Variants in TTLL11 observed in about 807,000 individuals in gnomAD.
The protein encoded by TTLL11 is tubulin tyrosine ligase like 11, also known as tubulin polyglutamylase TTLL11.
In TTLL11, 42 loss-of-function variants were observed where a neutral mutation model predicts 51.7. The ratio of observed to expected loss-of-function variants is 0.81; its 90% CI spans 0.64 to 1.05. TTLL11 has a LOEUF of 1.05. Among genes scored for constraint, TTLL11 ranks in the 50% least tolerant of loss-of-function variants. The probability of loss-of-function intolerance (pLI) is 0.00; values close to 1 mark genes in which losing one functional copy is unlikely to be tolerated. For missense variants in TTLL11, 799 were observed against 940.4 expected, an observed-to-expected ratio of 0.85 and a Z score of 1.97; for synonymous variants, 381 against 383.5, an observed-to-expected ratio of 0.99 and a Z score of 0.08.
chr9:121,828,173 C>CTTTTT (rs10708592), intron 8 of TTLL11, among the ~76,000 whole-genome samples: 1 of 137,328 alleles, frequency 7.3e-6, no homozygotes, highest in Non-Finnish European at 1.6e-5. Flanking sequence ...ACACATTGAA[C>CTTTTT]TTTTTTTTTT....
intron 6 of TTLL11, among the ~76,000 whole-genome samples, chr9:121,880,662 G>A (rs187137520): frequency 1.5e-4 from 23 of 152,346 alleles, no homozygotes; most frequent in African/African-American, 5.3e-4. Flanking sequence ...GTTCCCAGAA[G>A]GGCAGGCACC....
At chr9:122,076,260 G>A (rs1319465599) in intron 1 of TTLL11, among the ~76,000 whole-genome samples, 1 of 152,170 alleles carries the variant, frequency 6.6e-6, no homozygotes, top group Middle Eastern at 3.2e-3. Context: ...AAGGCAACCA[G>A]AGCGATCTTT....
intron 6 of TTLL11, 100 bp downstream of exon 6, chr9:121,973,909 C>T: frequency 1.4e-6 from 1 of 703,006 alleles, no homozygotes; most frequent in Non-Finnish European, 2.3e-6. Flanking sequence ...GTAAATCTCA[C>T]TCACAATGGT....
chr9:122,008,630 G>A (rs1003868906), intron 3 of TTLL11, among the ~76,000 whole-genome samples: 6 of 152,164 alleles, frequency 3.9e-5, no homozygotes, highest in African/African-American at 1.4e-4. Context: ...AATTAGTATG[G>A]CCATTATGGA....
intron 3 of TTLL11, among the ~76,000 whole-genome samples, chr9:121,999,867 A>G (rs985186896): frequency 6.6e-6 from 1 of 152,136 alleles, no homozygotes; most frequent in African/African-American, 2.4e-5. Flanking sequence ...CACATTTTAT[A>G]CCCTGGGGAG....
intron 2 of TTLL11, among the ~76,000 whole-genome samples, chr9:122,035,533 A>G (rs1451987352): frequency 6.6e-6 from 1 of 152,240 alleles, no homozygotes; most frequent in African/African-American, 2.4e-5. Flanking sequence ...AAACAAACTA[A>G]AACTGAGCTA....
intron 6 of TTLL11, among the ~76,000 whole-genome samples, chr9:121,907,942 T>C (rs1186692268): frequency 2.0e-5 from 3 of 152,264 alleles, no homozygotes; most frequent in South Asian, 2.1e-4. Context: ...CTCGTTCTGC[T>C]GGACATTCAT....
At chr9:121,967,658 T>A (rs1014923788) in intron 6 of TTLL11, among the ~76,000 whole-genome samples, 1 of 152,154 alleles carries the variant, frequency 6.6e-6, no homozygotes, top group African/African-American at 2.4e-5. Context: ...TCCCCTCGCT[T>A]CAAAGGAAAT....
At chr9:121,874,043 C>T (rs1005586400) in intron 6 of TTLL11, among the ~76,000 whole-genome samples, 1 of 151,646 alleles carries the variant, frequency 6.6e-6, no homozygotes, top group Non-Finnish European at 1.5e-5. Flanking sequence ...GGGGTTTTGC[C>T]ATCTCTACTA....
intron 6 of TTLL11, among the ~76,000 whole-genome samples, chr9:121,904,208 C>T (rs1245921393): frequency 2.2e-4 from 33 of 149,324 alleles, no homozygotes; most frequent in African/African-American, 7.5e-4. Context: ...GACGGAGTCT[C>T]GCTCTATCGC....
intron 6 of TTLL11, among the ~76,000 whole-genome samples, chr9:121,925,718 C>A (rs1199589380): frequency 1.3e-5 from 2 of 152,234 alleles, no homozygotes; most frequent in Admixed American, 1.3e-4. Context: ...GCAGCAGGGG[C>A]TGGTCTCTGA....
intron 7 of TTLL11, among the ~76,000 whole-genome samples, chr9:121,863,090 C>T (rs1838066407): frequency 6.6e-6 from 1 of 152,190 alleles, no homozygotes; most frequent in African/African-American, 2.4e-5. Flanking sequence ...CATCAATGCA[C>T]ATCCTGCTTC....
chr9:122,017,053 C>T (rs76400544), intron 3 of TTLL11, among the ~76,000 whole-genome samples: 2,291 of 152,264 alleles, frequency 0.015, 71 homozygotes, highest in African/African-American at 0.051. Flanking sequence ...ATGGGTCTCC[C>T]TCTTTCTTTA....
Position 121,974,129 on chromosome 9 carries a change from A to G in TTLL11, c.1366-5T>C, listed in dbSNP as rs930400637. ...TTCAAACACCCCTGGAGAAAGCTTG[A>G]ACGGGTAAGGATTCTGTGTCACAGT... On this transcript the variant is annotated splice_polypyrimidine_tract_variant and splice_region_variant and intron_variant, in intron 5 of 8. Coordinates refer to ENST00000321582, the MANE Select transcript of TTLL11 (RefSeq NM_001139442.2). 2 of 1,548,720 alleles carry G rather than the reference A, an allele frequency of 1.3e-6. No homozygotes were observed. Among genetic ancestry groups the G allele is most frequent in the African/African-American group, 2.7e-5 (2 of 73,114 alleles).
chr9:121,893,350 ATG>A (rs57931102), intron 6 of TTLL11, among the ~76,000 whole-genome samples: 13 of 149,776 alleles, frequency 8.7e-5, no homozygotes, highest in African/African-American at 2.2e-4. Flanking sequence ...ATGCATGCAT[ATG>A]TGTGTGTGTG....
At chr9:122,022,572 C>T (rs1408051019) in intron 3 of TTLL11, among the ~76,000 whole-genome samples, 1 of 151,670 alleles carries the variant, frequency 6.6e-6, no homozygotes, top group Non-Finnish European at 1.5e-5. Flanking sequence ...AAATAAATTT[C>T]AAGAAATATA....
intron 2 of TTLL11, among the ~76,000 whole-genome samples, chr9:122,035,309 C>T (rs1413836338): frequency 1.3e-5 from 2 of 152,172 alleles, no homozygotes; most frequent in African/African-American, 4.8e-5. Flanking sequence ...AGGGCAGTTC[C>T]CCTATCGATT....
At chr9:122,024,255 C>T (rs189820409) in intron 3 of TTLL11, among the ~76,000 whole-genome samples, 23 of 152,076 alleles carry the variant, frequency 1.5e-4, no homozygotes, top group South Asian at 4.2e-4. Context: ...AATACTTGTA[C>T]GCTAAAAACT....
At chr9:121,823,272 G>A (rs1014035353) in intron 8 of TTLL11, among the ~76,000 whole-genome samples, 5 of 152,330 alleles carry the variant, frequency 3.3e-5, no homozygotes, top group African/African-American at 4.8e-5. Context: ...CTGGCTGGGC[G>A]CAGTGGCTCA....
Sources: allele counts gnomAD v4.1 joint callset (sites outside exome capture counted in the v4.1 genomes callset), GRCh38; gene constraint gnomAD v4.1.1; transcripts MANE v1.5; gene names NCBI Gene and HGNC (gene_info 2026-07-23, HGNC 2026-07-21).